The following ROR1 variants were observed in gnomAD, a reference collection of about 807,000 sequenced individuals.
ROR1 encodes ROR family WNT receptor 1.
In ROR1, 19 loss-of-function variants were observed where a neutral mutation model predicts 78.8. The ratio of observed to expected loss-of-function variants is 0.24; its 90% CI spans 0.17 to 0.35. The LOEUF (loss-of-function observed/expected upper bound fraction) is 0.35, where lower values mean the gene tolerates loss of function less well. ROR1 is among the 10% of genes least tolerant of loss of function. ROR1 has a pLI of 1.00. For missense variants in ROR1, 917 were observed against 1,177.8 expected, an observed-to-expected ratio of 0.78 and a Z score of 3.24; for synonymous variants, 386 against 433.6, an observed-to-expected ratio of 0.89 and a Z score of 1.36.
At chr1:63,919,574 A>G (rs903139592) in intron 1 of ROR1, among the ~76,000 whole-genome samples, 2 of 151,306 alleles carry the variant, frequency 1.3e-5, no homozygotes, top group African/African-American at 4.9e-5. Flanking sequence ...GGAAACTTAC[A>G]CAGAGACAGC....
intron 4 of ROR1, among the ~76,000 whole-genome samples, chr1:64,072,259 A>G (rs1019889189): frequency 6.6e-6 from 1 of 152,190 alleles, no homozygotes; most frequent in Non-Finnish European, 1.5e-5. Flanking sequence ...CAAGTCCTTG[A>G]TAGAAGTTTG....
chr1:64,119,614 G>A (rs1015496055), intron 4 of ROR1, among the ~76,000 whole-genome samples: 2 of 147,232 alleles, frequency 1.4e-5, no homozygotes, highest in African/African-American at 5.1e-5. Context: ...ACTCCAGCCT[G>A]GGTGACAGAG....
intron 2 of ROR1, among the ~76,000 whole-genome samples, chr1:64,033,437 GAC>G (rs1646676893): frequency 6.6e-6 from 1 of 152,130 alleles, no homozygotes; most frequent in Non-Finnish European, 1.5e-5. Flanking sequence ...CAGGACTTCT[GAC>G]ATGTATTCCT....
At chr1:63,929,321 G>T (rs1368975921) in intron 1 of ROR1, among the ~76,000 whole-genome samples, 2 of 152,186 alleles carry the variant, frequency 1.3e-5, no homozygotes, top group Admixed American at 1.3e-4. Context: ...ACGTATGTGT[G>T]AGCATGTTTA....
chr1:63,787,732 G>A (rs1462145134), intron 1 of ROR1, among the ~76,000 whole-genome samples: 4 of 152,016 alleles, frequency 2.6e-5, no homozygotes, highest in South Asian at 2.1e-4. Flanking sequence ...TGCCATGTTG[G>A]CCAGGCTGGT....
In ROR1 at chr1:63,908,963, C is replaced by G. The variant is rs533269340; in HGVS notation, c.92-100342C>G. On this transcript the variant is annotated intron_variant, in intron 1 of 8. Transcript: ENST00000371079. ...AATGCAGAAGTGCAGGGAGTTAAGG[C>G]CCACAGGTGAACCTTGGCCAAGGGG... is the stretch of plus-strand genomic sequence containing the variant. Among the ~76,000 whole-genome samples the G allele has an allele frequency of 9.8e-5, 15 of 152,292 alleles. No homozygotes were observed. The East Asian group carries it at 1.9e-3, about 20-fold the overall frequency.
chr1:63,858,651 T>C (rs560254274), intron 1 of ROR1, among the ~76,000 whole-genome samples: 2 of 152,318 alleles, frequency 1.3e-5, no homozygotes, highest in South Asian at 2.1e-4. Context: ...TGTTTTTCCT[T>C]TTGTCTTGTT....
At chr1:64,017,041 C>G (rs1408405224) in intron 2 of ROR1, among the ~76,000 whole-genome samples, 1 of 151,976 alleles carries the variant, frequency 6.6e-6, no homozygotes, top group African/African-American at 2.4e-5. Flanking sequence ...CTTCAGCCTC[C>G]AAGTCGCTGG....
intron 1 of ROR1, among the ~76,000 whole-genome samples, chr1:63,775,036 C>A (rs1569680664): frequency 6.6e-6 from 1 of 152,072 alleles, no homozygotes; most frequent in South Asian, 2.1e-4. Flanking sequence ...GGCCTCGCAT[C>A]GCCACCGCCC....
At chr1:63,785,238 A>G (rs2100226871) in intron 1 of ROR1, among the ~76,000 whole-genome samples, 1 of 152,330 alleles carries the variant, frequency 6.6e-6, no homozygotes, top group South Asian at 2.1e-4. Context: ...CAAAGTTTTT[A>G]CATAATTTTC....
intron 1 of ROR1, among the ~76,000 whole-genome samples, chr1:63,989,989 A>G (rs1048479454): frequency 1.3e-5 from 2 of 152,126 alleles, no homozygotes; most frequent in Non-Finnish European, 2.9e-5. Flanking sequence ...GTTTAGGATC[A>G]ATTATAATTT....
intron 4 of ROR1, among the ~76,000 whole-genome samples, chr1:64,115,600 G>GTA (rs757803368): frequency 7.5e-4 from 108 of 143,252 alleles, no homozygotes; most frequent in Non-Finnish European, 1.1e-3. Flanking sequence ...ATAAGATAAA[G>GTA]TATATATATG....
chr1:63,979,285 A>G (rs1301936181), intron 1 of ROR1, among the ~76,000 whole-genome samples: 1 of 152,192 alleles, frequency 6.6e-6, no homozygotes, highest in Non-Finnish European at 1.5e-5. Context: ...ATAAACTTCC[A>G]AAGAAGAAAG....
At chr1:63,919,975 A>G (rs1645641251) in intron 1 of ROR1, among the ~76,000 whole-genome samples, 1 of 152,214 alleles carries the variant, frequency 6.6e-6, no homozygotes, top group Non-Finnish European at 1.5e-5. Flanking sequence ...AATGCAGCTG[A>G]AAATGCTGAA....
intron 7 of ROR1, among the ~76,000 whole-genome samples, chr1:64,147,965 A>G (rs1249670524): frequency 6.6e-6 from 1 of 152,122 alleles, no homozygotes. Context: ...TGCTAAATAC[A>G]CTGCAGTACC....
intron 4 of ROR1, among the ~76,000 whole-genome samples, chr1:64,119,419 T>C (rs939044737): frequency 8.5e-5 from 13 of 152,090 alleles, no homozygotes; most frequent in East Asian, 7.7e-4. Flanking sequence ...GGCAGAAAGA[T>C]CATGAGGTCA....
chr1:64,040,553 TAAAACAACAGAAA>T (rs1646738211), intron 2 of ROR1, among the ~76,000 whole-genome samples: 1 of 152,218 alleles, frequency 6.6e-6, no homozygotes, highest in African/African-American at 2.4e-5. Context: ...GGGTGGCTTA[TAAAACAACAGAAA>T]CTTATTTCTT....
chr1:63,879,602 C>T (rs1645310135), intron 1 of ROR1, among the ~76,000 whole-genome samples: 1 of 152,090 alleles, frequency 6.6e-6, no homozygotes, highest in Non-Finnish European at 1.5e-5. Flanking sequence ...TATCCTGGCC[C>T]ACCCTTGAAG....
intron 4 of ROR1, among the ~76,000 whole-genome samples, chr1:64,102,910 CA>C (rs1213534046): frequency 6.6e-6 from 1 of 152,152 alleles, no homozygotes; most frequent in Non-Finnish European, 1.5e-5. Context: ...TTTCGACAAC[CA>C]AAAGTGTCTC....
Sources: gnomAD v4.1 joint callset for allele counts (sites outside exome capture counted in the v4.1 genomes callset) on GRCh38, gnomAD v4.1.1 for gene constraint, MANE v1.5 for transcripts, NCBI Gene and HGNC (gene_info 2026-07-23, HGNC 2026-07-21) for gene names.